TLL1: variants seen among roughly 807,000 people sequenced by gnomAD.
TLL1 encodes the protein tolloid like 1.
A neutral mutation model predicts 128.2 loss-of-function variants in TLL1; 49 were observed. That is an observed-to-expected ratio of 0.38 (90% CI 0.30 to 0.48). The LOEUF is 0.48. Ranked by LOEUF, TLL1 falls within the 20% of genes least tolerant of loss-of-function variation. The pLI, the probability that TLL1 is intolerant of heterozygous loss-of-function variation, is 0.96. For synonymous variants in TLL1, 454 were observed against 418.8 expected (o/e 1.08, Z -1.03); for missense variants, 1,123 against 1,242.0 (o/e 0.90, Z 1.44).
At chr4:165,946,399 G>T (rs1453708571) in intron 1 of TLL1, among the ~76,000 whole-genome samples, 1 of 151,688 alleles carries the variant, frequency 6.6e-6, no homozygotes, top group African/African-American at 2.4e-5. Flanking sequence ...GCAGTGGCAT[G>T]ATCATAGCTC....
intron 1 of TLL1, among the ~76,000 whole-genome samples, chr4:165,938,763 G>A (rs1316436877): frequency 1.3e-5 from 2 of 150,204 alleles, no homozygotes; most frequent in Admixed American, 6.6e-5. Flanking sequence ...TCTGTTCCTA[G>A]AATTTCTCCT....
intron 8 of TLL1, among the ~76,000 whole-genome samples, chr4:166,020,918 T>C (rs549230680): frequency 6.6e-6 from 1 of 152,316 alleles, no homozygotes; most frequent in South Asian, 2.1e-4. Context: ...TGTTCCCAAA[T>C]ATGCAAGTGT....
intron 2 of TLL1, among the ~76,000 whole-genome samples, chr4:165,990,078 T>C (rs184463496): frequency 7.9e-5 from 12 of 152,040 alleles, no homozygotes; most frequent in African/African-American, 2.9e-4. Context: ...GCAATTTTAA[T>C]TTTAGTTGAT....
chr4:165,998,818 C>G (rs1180510034), intron 5 of TLL1, among the ~76,000 whole-genome samples: 2 of 151,196 alleles, frequency 1.3e-5, no homozygotes, highest in Non-Finnish European at 2.9e-5. Flanking sequence ...AAAGTAGACA[C>G]TTTTTCATCC....
chr4:165,877,845 T>A (rs1007500680), intron 1 of TLL1, among the ~76,000 whole-genome samples: 1 of 151,916 alleles, frequency 6.6e-6, no homozygotes, highest in African/African-American at 2.4e-5. Flanking sequence ...AAATAGAATA[T>A]CTAATAGGAG....
intron 1 of TLL1, among the ~76,000 whole-genome samples, chr4:165,916,840 G>T (rs554200817): frequency 3.9e-5 from 6 of 152,132 alleles, no homozygotes; most frequent in African/African-American, 1.4e-4. Context: ...AAGAATTTTT[G>T]CATGAATGCC....
chr4:166,046,121 C>T (rs770354545), intron 12 of TLL1, among the ~76,000 whole-genome samples: 6 of 152,176 alleles, frequency 3.9e-5, no homozygotes, highest in South Asian at 4.1e-4. Flanking sequence ...ATTTTATCTC[C>T]AGCAACATTG....
In TLL1 at chr4:166,028,890, G is replaced by C. The variant is rs1379922749; in HGVS notation, c.1158+3459G>C. Among the ~76,000 whole-genome samples, 7 of 151,998 alleles carry C rather than the reference G, an allele frequency of 4.6e-5. No homozygotes were observed. The South Asian group carries it at 1.2e-3, about 27-fold the overall frequency. On this transcript the variant is annotated intron_variant, in intron 9 of 20. Coordinates refer to ENST00000061240, the MANE Select transcript of TLL1 (RefSeq NM_012464.5). ...CCTTTTGTTTCAGGTATCCAATTCA[G>C]TTTATTTTTATTTAATCAGTGGATG...
At chr4:166,010,558 A>G (rs1264589029) in intron 7 of TLL1, among the ~76,000 whole-genome samples, 3 of 150,534 alleles carry the variant, frequency 2.0e-5, no homozygotes, top group African/African-American at 7.3e-5. Context: ...GTATATATAT[A>G]AATATAAATA....
intron 1 of TLL1, among the ~76,000 whole-genome samples, chr4:165,882,532 T>C (rs1380302291): frequency 6.6e-6 from 1 of 152,096 alleles, no homozygotes; most frequent in African/African-American, 2.4e-5. Context: ...TGGCAGGCAG[T>C]CACCAGGGTC....
chr4:166,006,591 C>A (rs1737440567), intron 6 of TLL1, among the ~76,000 whole-genome samples: 1 of 151,720 alleles, frequency 6.6e-6, no homozygotes, highest in Admixed American at 6.6e-5. Context: ...TATTAGACTT[C>A]AGATTCCTTA....
intron 19 of TLL1, among the ~76,000 whole-genome samples, chr4:166,098,955 C>A (rs961452035): frequency 6.6e-6 from 1 of 152,028 alleles, no homozygotes; most frequent in Non-Finnish European, 1.5e-5. Context: ...GTTTTAAATT[C>A]TCAGACCTCA....
rs775001619 is a variant in TLL1, at chr4:166,077,956, T to C, written c.2368T>C (p.Trp790Arg). Residue 790 changes from tryptophan (W) to arginine (R), a missense_variant, in exon 18 of 21, where the codon TGG (tryptophan) becomes CGG (arginine). This residue lies in a region of TLL1 where 634 missense variants were observed against 672.4 expected (regional missense o/e 0.94). Transcript: ENST00000061240. ...SPSGLITSPN[W>R]PDKYPSRKEC... ...AAGTGGCCTCATCACCAGTCCCAAC[T>C]GGCCAGACAAGTACCCAAGCAGGAA... 6.2e-7 allele frequency: 1 copy of C among 1,613,670 alleles called. No individual in the cohort carries two copies. The highest frequency in any genetic ancestry group is 8.5e-7 in the Non-Finnish European group (1 of 1,179,752).
intron 1 of TLL1, among the ~76,000 whole-genome samples, chr4:165,962,678 C>G (rs1735168322): frequency 6.6e-6 from 1 of 152,050 alleles, no homozygotes; most frequent in South Asian, 2.1e-4. Context: ...CAATGGTGGA[C>G]TGGATAAAGA....
chr4:165,917,979 G>A (rs1488310802), intron 1 of TLL1, among the ~76,000 whole-genome samples: 2 of 152,044 alleles, frequency 1.3e-5, no homozygotes, highest in Non-Finnish European at 2.9e-5. Context: ...TTCTTATTAA[G>A]TTGATAAAAA....
chr4:165,918,005 G>A (rs911604156), intron 1 of TLL1, among the ~76,000 whole-genome samples: 2 of 152,086 alleles, frequency 1.3e-5, no homozygotes, highest in Non-Finnish European at 2.9e-5. Context: ...GGTGTTATTT[G>A]AAGATGTAAT....
intron 1 of TLL1, among the ~76,000 whole-genome samples, chr4:165,950,603 A>G (rs1579529884): frequency 6.6e-6 from 1 of 152,244 alleles, no homozygotes; most frequent in East Asian, 1.9e-4. Context: ...CAACAGAAGG[A>G]TATGTTAAAA....
chr4:166,027,918 C>T (rs114695188), intron 9 of TLL1, among the ~76,000 whole-genome samples: 1,671 of 151,956 alleles, frequency 0.011, 34 homozygotes, highest in African/African-American at 0.036. Flanking sequence ...ACTATATTTC[C>T]AAAAATGTTG....
intron 1 of TLL1, among the ~76,000 whole-genome samples, chr4:165,921,534 T>C (rs563480359): frequency 6.6e-6 from 1 of 152,318 alleles, no homozygotes; most frequent in East Asian, 1.9e-4. Context: ...GTCTTTTCTG[T>C]TTATCTCCTG....
Sources: allele counts gnomAD v4.1 joint callset (sites outside exome capture counted in the v4.1 genomes callset), GRCh38; gene constraint gnomAD v4.1.1; regional missense constraint gnomAD v4.1.1; transcripts MANE v1.5; gene names NCBI Gene and HGNC (gene_info 2026-07-23, HGNC 2026-07-21).